The following TMBIM4 variants were observed in gnomAD, a reference collection of about 807,000 sequenced individuals.
TMBIM4 encodes protein lifeguard 4.
TMBIM4 carries 28 observed loss-of-function variants against 27.7 expected under a neutral mutation model. That is an observed-to-expected ratio of 1.01 (90% CI 0.75 to 1.38). TMBIM4 has a LOEUF of 1.38. Among genes scored for constraint, TMBIM4 ranks in the 40% most tolerant of loss-of-function variants. The pLI, the probability that TMBIM4 is intolerant of heterozygous loss-of-function variation, is 0.00. For missense variants in TMBIM4, 265 were observed against 277.5 expected (o/e 0.95, Z 0.32); for synonymous variants, 115 against 113.1 (o/e 1.02, Z -0.11).
At chr12:66,160,706 G>A (rs2052020468) in intron 1 of TMBIM4, among the ~76,000 whole-genome samples, 1 of 152,214 alleles carries the variant, frequency 6.6e-6, no homozygotes, top group South Asian at 2.1e-4. Context: ...AACTTGGGGA[G>A]AGCAGAAAGA....
intron 1 of TMBIM4, among the ~76,000 whole-genome samples, chr12:66,162,987 A>G (rs1417383591): frequency 6.6e-6 from 1 of 152,234 alleles, no homozygotes; most frequent in East Asian, 1.9e-4. Context: ...CTTTACATAC[A>G]TTAGAAAGGG....
intron 3 of TMBIM4, among the ~76,000 whole-genome samples, chr12:66,149,518 T>C (rs2051810271): frequency 6.6e-6 from 1 of 151,660 alleles, no homozygotes; most frequent in Admixed American, 6.6e-5. Flanking sequence ...TACTATATTC[T>C]TGCTATTTAT....
At chr12:66,138,982 T>A in intron 5 of TMBIM4, 1 of 617,628 alleles carries the variant, frequency 1.6e-6, no homozygotes, top group Non-Finnish European at 2.4e-6. Flanking sequence ...TCAACATTTG[T>A]CTTTATGGTA....
At chr12:66,160,255 C>T in intron 1 of TMBIM4, 1 of 703,100 alleles carries the variant, frequency 1.4e-6, no homozygotes, top group South Asian at 1.5e-5. Flanking sequence ...GCTGAGGGTG[C>T]AGAAGGTATC....
rs115192566 is a variant in TMBIM4 at position 66,150,556 on chromosome 12, G to C, written c.312+1715C>G. 3.8e-3 allele frequency among the ~76,000 whole-genome samples: 577 copies of C among 152,262 alleles called. 7 individuals carry two copies. Among genetic ancestry groups the C allele is most frequent in the African/African-American group, 0.013 (554 of 41,532 alleles). ...AGCCTCCCAAGTAGTGGGACTACAAGCACGTGCCATAACATCTGGCTAATT... is the reference window on the plus strand; with the variant it reads ...AGCCTCCCAAGTAGTGGGACTACAACCACGTGCCATAACATCTGGCTAATT... On this transcript the variant is annotated intron_variant, in intron 3 of 6. Transcript: ENST00000358230.
intron 3 of TMBIM4, 95 bp from the exon 4 acceptor site, chr12:66,148,036 T>A: frequency 8.6e-7 from 1 of 1,156,578 alleles, no homozygotes; most frequent in South Asian, 1.5e-5. Context: ...CCCATATGAA[T>A]GATCTCATTT....
At chr12:66,143,747 C>T (rs2051707179) in intron 5 of TMBIM4, among the ~76,000 whole-genome samples, 1 of 152,172 alleles carries the variant, frequency 6.6e-6, no homozygotes, top group Non-Finnish European at 1.5e-5. Flanking sequence ...GTCCCATAAA[C>T]AGGTCAGAAG....
intron 5 of TMBIM4, among the ~76,000 whole-genome samples, chr12:66,144,935 A>G (rs757396567): frequency 1.3e-5 from 2 of 152,182 alleles, no homozygotes; most frequent in East Asian, 1.9e-4. Flanking sequence ...GAGAGATGAT[A>G]CTGGAATTAA....
intron 3 of TMBIM4, among the ~76,000 whole-genome samples, chr12:66,149,360 G>A (rs12230240): frequency 0.077 from 11,416 of 149,044 alleles, 994 homozygotes; most frequent in East Asian, 0.51. Flanking sequence ...TGGGAGGATC[G>A]CTTAAGCCCA....
At chr12:66,169,496 G>C (rs1038454122) in intron 1 of TMBIM4, 1 of 486,876 alleles carries the variant, frequency 2.1e-6, no homozygotes. Flanking sequence ...GTGATCAACC[G>C]ACTCATTTCC....
chr12:66,163,847 A>T (rs1241314951), intron 1 of TMBIM4, among the ~76,000 whole-genome samples: 1 of 152,212 alleles, frequency 6.6e-6, no homozygotes, highest in African/African-American at 2.4e-5. Flanking sequence ...TGGAGCCTGC[A>T]TTACCCTGAT....
At chr12:66,154,207 A>G (rs2136868196) in intron 1 of TMBIM4, among the ~76,000 whole-genome samples, 1 of 152,296 alleles carries the variant, frequency 6.6e-6, no homozygotes, top group Non-Finnish European at 1.5e-5. Flanking sequence ...CTAACTACAA[A>G]TCATCTTTCA....
At chr12:66,155,087 T>G (rs2051909462) in intron 1 of TMBIM4, among the ~76,000 whole-genome samples, 1 of 152,202 alleles carries the variant, frequency 6.6e-6, no homozygotes, top group Non-Finnish European at 1.5e-5. Flanking sequence ...ATCTTTTTCA[T>G]AAAAGCAGAG....
At chr12:66,169,354 C>T (rs2052192123) in intron 1 of TMBIM4, 3 of 662,854 alleles carry the variant, frequency 4.5e-6, no homozygotes, top group Non-Finnish European at 8.1e-6. Context: ...ATTCTGGGCC[C>T]TGCGGAGAGG....
chr12:66,139,579 C>A, intron 5 of TMBIM4: 1 of 455,802 alleles, frequency 2.2e-6, no homozygotes, highest in South Asian at 1.5e-5. Context: ...CATACAGTCA[C>A]TTGCGGTCTC....
In TMBIM4 at chr12:66,137,773, G is replaced by A. The variant is rs1195348761; in HGVS notation, c.*187C>T. 1.8e-6 allele frequency: 1 copy of A among 559,180 alleles called. No individual in the cohort carries two copies. The highest frequency in any genetic ancestry group is 3.1e-6 in the Non-Finnish European group (1 of 318,262). The allele number at this position is 559,180 out of a possible 1,614,324, so 34.6% of individuals were successfully genotyped here. On this transcript the variant is annotated 3_prime_UTR_variant, in exon 7 of 7. Transcript: ENST00000358230. Reference sequence around the variant, plus strand: ...GGATTTAGAAATGAGGTATCATAAAGAATAGTAAGATTTTAAAGCTCTCAA... The same window carrying A: ...GGATTTAGAAATGAGGTATCATAAAAAATAGTAAGATTTTAAAGCTCTCAA...
At chr12:66,159,742 C>T (rs1446845811) in intron 1 of TMBIM4, among the ~76,000 whole-genome samples, 1 of 152,204 alleles carries the variant, frequency 6.6e-6, no homozygotes, top group Non-Finnish European at 1.5e-5. Context: ...AGTTTCTACT[C>T]ACACCTGTTT....
At chr12:66,146,223 G>A (rs946219844) in intron 4 of TMBIM4, among the ~76,000 whole-genome samples, 2 of 152,140 alleles carry the variant, frequency 1.3e-5, no homozygotes, top group East Asian at 1.9e-4. Flanking sequence ...GAGCTATCAC[G>A]CCTGTAGCCA....
Position 66,161,008 on chromosome 12 carries a change from GGT to G in TMBIM4, c.98-7562_98-7561del, listed in dbSNP as rs879361678. 572 of 133,858 alleles carry G rather than the reference GGT, an allele frequency of 4.3e-3. No homozygotes were observed. In the East Asian group the frequency reaches 0.048, roughly 11 times the overall value. 8.3% of individuals were successfully genotyped at this position (133,858 alleles called of 1,614,324 possible). On this transcript the variant is annotated intron_variant, in intron 1 of 6. Transcript: ENST00000358230. ...TCACTTCCCAGACCGGGCAGCGGCG[GGT>G]CAGAGGCGCTCCTCACATCCCAGTC...
Sources: allele counts gnomAD v4.1 joint callset (sites outside exome capture counted in the v4.1 genomes callset), GRCh38; gene constraint gnomAD v4.1.1; transcripts MANE v1.5; gene names NCBI Gene and HGNC (gene_info 2026-07-23, HGNC 2026-07-21).